Variants in RUNDC3B observed in about 807,000 individuals in gnomAD.
The protein encoded by RUNDC3B is RUN domain containing 3B.
RUNDC3B carries 33 observed loss-of-function variants against 58.4 expected under a neutral mutation model. The ratio of observed to expected loss-of-function variants is 0.56; its 90% CI spans 0.43 to 0.75. The LOEUF (loss-of-function observed/expected upper bound fraction) is 0.75, where lower values mean the gene tolerates loss of function less well. Ranked by LOEUF, RUNDC3B falls within the 30% of genes least tolerant of loss-of-function variation. The pLI, the probability that RUNDC3B is intolerant of heterozygous loss-of-function variation, is 0.00. For missense variants in RUNDC3B, 501 were observed against 535.7 expected (o/e 0.94, Z 0.64); for synonymous variants, 193 against 195.2 (o/e 0.99, Z 0.10).
intron 7 of RUNDC3B, among the ~76,000 whole-genome samples, chr7:87,776,595 T>C (rs527510271): frequency 5.5e-4 from 83 of 152,032 alleles, no homozygotes; most frequent in Non-Finnish European, 1.2e-3. Context: ...ACTTTTAAAG[T>C]ATTGGTGATT....
intron 8 of RUNDC3B, among the ~76,000 whole-genome samples, chr7:87,792,371 G>A (rs191187294): frequency 5.1e-4 from 78 of 152,194 alleles, no homozygotes; most frequent in Middle Eastern, 3.4e-3. Flanking sequence ...GGATCTCATA[G>A]ATATTTACAG....
At chr7:87,823,652 G>A (rs1215290936) in intron 10 of RUNDC3B, among the ~76,000 whole-genome samples, 2 of 151,970 alleles carry the variant, frequency 1.3e-5, no homozygotes, top group Non-Finnish European at 2.9e-5. Context: ...TGCCACTTAT[G>A]AGTAAGAAAA....
chr7:87,703,885 C>CTTT, intron 3 of RUNDC3B, among the ~76,000 whole-genome samples: 3 of 60,298 alleles, frequency 5.0e-5, no homozygotes, highest in Admixed American at 2.4e-4. Context: ...TCAGTTTTTT[C>CTTT]TTTTTTTTTT....
intron 2 of RUNDC3B, among the ~76,000 whole-genome samples, chr7:87,688,280 T>A (rs548952553): frequency 5.9e-5 from 9 of 152,224 alleles, no homozygotes; most frequent in Admixed American, 2.0e-4. Flanking sequence ...ATAAAATGAA[T>A]CTTATATTAA....
At chr7:87,656,792 A>G (rs959057164) in intron 2 of RUNDC3B, among the ~76,000 whole-genome samples, 2 of 152,198 alleles carry the variant, frequency 1.3e-5, no homozygotes, top group Admixed American at 6.6e-5. Flanking sequence ...AAACTTATTT[A>G]TCCATCACTA....
chr7:87,830,457 AAAG>A lies in RUNDC3B; in HGVS notation c.*428_*430del. 1 of 152,302 alleles carries A rather than the reference AAAG, an allele frequency of 6.6e-6. No homozygotes were observed. Among genetic ancestry groups the A allele is most frequent in the South Asian group, 2.1e-4 (1 of 4,826 alleles). The allele number at this position is 152,302 out of a possible 1,614,324, so 9.4% of individuals were successfully genotyped here. A position where few individuals can be genotyped will look rare whatever the true frequency, so the allele number is the denominator to read the frequency against. ...CAGATTTTCAAAAAAAAAAAAAAAA[AAAG>A]TTAATTTCATTTTTTCATTAATGTC... is the stretch of plus-strand genomic sequence containing the variant. On this transcript the variant is annotated 3_prime_UTR_variant, in exon 11 of 11. Coordinates refer to ENST00000394654, the MANE Select transcript of RUNDC3B (RefSeq NM_001134405.2).
intron 5 of RUNDC3B, among the ~76,000 whole-genome samples, chr7:87,740,934 G>C (rs1177973599): frequency 6.6e-6 from 1 of 152,152 alleles, no homozygotes; most frequent in Non-Finnish European, 1.5e-5. Flanking sequence ...GCCAGGCGCG[G>C]TGGCTTTCAC....
intron 2 of RUNDC3B, among the ~76,000 whole-genome samples, chr7:87,680,060 C>T (rs748094795): frequency 2.0e-5 from 3 of 150,386 alleles, no homozygotes; most frequent in African/African-American, 4.9e-5. Flanking sequence ...CAGTATATGA[C>T]GTTCCCCACC....
At chr7:87,678,895 G>C (rs1826639019) in intron 2 of RUNDC3B, among the ~76,000 whole-genome samples, 2 of 152,094 alleles carry the variant, frequency 1.3e-5, no homozygotes, top group Non-Finnish European at 2.9e-5. Context: ...ACCAAAGTAT[G>C]TATGCAGCTG....
chr7:87,727,307 C>T (rs1239681000), intron 4 of RUNDC3B, among the ~76,000 whole-genome samples: 1 of 152,044 alleles, frequency 6.6e-6, no homozygotes, highest in Non-Finnish European at 1.5e-5. Flanking sequence ...ATATGCAAAT[C>T]AATAAACGTA....
intron 8 of RUNDC3B, among the ~76,000 whole-genome samples, chr7:87,778,404 C>T (rs547587211): frequency 4.2e-5 from 6 of 142,616 alleles, no homozygotes; most frequent in African/African-American, 1.3e-4. Flanking sequence ...GATTGAGCCA[C>T]AGCACTCCAC....
chr7:87,735,369 C>T (rs1170674116), intron 4 of RUNDC3B, among the ~76,000 whole-genome samples: 1 of 152,168 alleles, frequency 6.6e-6, no homozygotes, highest in East Asian at 1.9e-4. Flanking sequence ...TCCTGACCTT[C>T]CAGTTTGCCC....
chr7:87,714,886 G>A (rs1472153215), intron 4 of RUNDC3B, among the ~76,000 whole-genome samples: 4 of 151,954 alleles, frequency 2.6e-5, no homozygotes, highest in East Asian at 3.9e-4. Context: ...CTCCCTGACC[G>A]CACGTCCATT....
At chr7:87,703,914 G>GTTTTTTTTTTTTTTTTTTTTTTTTTTTTC (rs35797972) in intron 3 of RUNDC3B, among the ~76,000 whole-genome samples, 1 of 42,974 alleles carries the variant, frequency 2.3e-5, no homozygotes, top group African/African-American at 9.5e-5. Context: ...TTTTTTTTTG[G>GTTTTTTTTTTTTTTTTTTTTTTTTTTTTC]TTTTTTTTTT....
intron 8 of RUNDC3B, among the ~76,000 whole-genome samples, chr7:87,781,291 C>T (rs1321079737): frequency 6.9e-6 from 1 of 144,662 alleles, no homozygotes; most frequent in Non-Finnish European, 1.6e-5. Flanking sequence ...TCAGCTTGAC[C>T]GTTATTGGTG....
intron 6 of RUNDC3B, among the ~76,000 whole-genome samples, chr7:87,763,677 T>G (rs543471808): frequency 1.3e-5 from 2 of 151,766 alleles, no homozygotes; most frequent in Admixed American, 1.3e-4. Flanking sequence ...TGAAATACAT[T>G]TAATTTTTAA....
chr7:87,775,472 G>A (rs1345634390), intron 7 of RUNDC3B, among the ~76,000 whole-genome samples: 8 of 152,188 alleles, frequency 5.3e-5, no homozygotes, highest in Non-Finnish European at 7.4e-5. Context: ...GTAAGCTAAC[G>A]TTAATTTTAT....
intron 2 of RUNDC3B, among the ~76,000 whole-genome samples, chr7:87,675,653 C>CAAAAA (rs200136132): frequency 1.8e-4 from 12 of 65,838 alleles, no homozygotes; most frequent in African/African-American, 5.2e-4. Context: ...TATTCACATG[C>CAAAAA]AAAAAAAAAA....
At chr7:87,828,227 C>A (rs1320529186) in intron 10 of RUNDC3B, among the ~76,000 whole-genome samples, 1 of 151,986 alleles carries the variant, frequency 6.6e-6, no homozygotes, top group Non-Finnish European at 1.5e-5. Flanking sequence ...TAAATATCAA[C>A]TTTTATTTTA....
Sources: allele counts gnomAD v4.1 joint callset (sites outside exome capture counted in the v4.1 genomes callset), GRCh38; gene constraint gnomAD v4.1.1; transcripts MANE v1.5; gene names NCBI Gene and HGNC (gene_info 2026-07-23, HGNC 2026-07-21).